SPATA1: variants seen among roughly 807,000 people sequenced by gnomAD.
SPATA1 encodes spermatogenesis-associated protein 1.
In SPATA1, 57 loss-of-function variants were observed where a neutral mutation model predicts 59.6. The observed-to-expected ratio is 0.96, with a 90% CI of 0.77 to 1.19. The LOEUF is 1.19. Among genes scored for constraint, SPATA1 ranks in the 50% most tolerant of loss-of-function variants. The pLI, the probability that SPATA1 is intolerant of heterozygous loss-of-function variation, is 0.00. For missense variants in SPATA1, 448 were observed against 480.7 expected (o/e 0.93, Z 0.64); for synonymous variants, 147 against 163.9 (o/e 0.90, Z 0.79).
chr1:84,566,008 G>A, exon 5 of SPATA1: 2 of 1,520,536 alleles, frequency 1.3e-6, no homozygotes, highest in Admixed American at 2.1e-5. Context: ...TACATCAAAG[G>A]TTACCTGTGG....
intron 4 of SPATA1, chr1:84,563,378 G>GC (rs758636345): frequency 8.2e-6 from 13 of 1,580,072 alleles, no homozygotes; most frequent in Middle Eastern, 1.7e-4. Flanking sequence ...ACTACAAGGA[G>GC]CCCCCCGGAA....
chr1:84,514,302 T>C (rs973426021), intron 1 of SPATA1, among the ~76,000 whole-genome samples: 2 of 152,136 alleles, frequency 1.3e-5, no homozygotes, highest in Non-Finnish European at 2.9e-5. Flanking sequence ...TCATCAGAAA[T>C]GATAAAGGGA....
chr1:84,529,840 C>T (rs1683393535), intron 6 of SPATA1, among the ~76,000 whole-genome samples: 1 of 151,250 alleles, frequency 6.6e-6, no homozygotes. Flanking sequence ...GTGACTGCGC[C>T]CGGCTGAAGC....
intron 10 of SPATA1, among the ~76,000 whole-genome samples, chr1:84,548,523 TTAC>T (rs1240239901): frequency 6.8e-6 from 1 of 148,112 alleles, no homozygotes; most frequent in African/African-American, 2.4e-5. Flanking sequence ...TTTAGATATA[TTAC>T]TTTTATAGTA....
At chr1:84,565,990 G>A in exon 5 of SPATA1, 4 of 1,562,250 alleles carry the variant, frequency 2.6e-6, no homozygotes, top group Non-Finnish European at 3.5e-6. Flanking sequence ...GTTCTTTGGA[G>A]ACCAAGCTAC....
intron 3 of SPATA1, among the ~76,000 whole-genome samples, chr1:84,522,172 T>C (rs1240325973): frequency 6.6e-6 from 1 of 152,206 alleles, no homozygotes; most frequent in African/African-American, 2.4e-5. Flanking sequence ...CAGTGTTTAT[T>C]TGCATAATTT....
At chr1:84,507,889 C>G (rs1387554559) in intron 1 of SPATA1, among the ~76,000 whole-genome samples, 3 of 151,916 alleles carry the variant, frequency 2.0e-5, no homozygotes, top group Admixed American at 6.6e-5. Context: ...TTATTAACTG[C>G]TGCATTGGGA....
At chr1:84,560,608 A>G (rs1305197633) in intron 4 of SPATA1, among the ~76,000 whole-genome samples, 2 of 152,250 alleles carry the variant, frequency 1.3e-5, no homozygotes, top group Admixed American at 6.5e-5. Context: ...TTGGAAGAAG[A>G]TGATGCCATT....
At chr1:84,530,329 G>A (rs1683419736) in intron 6 of SPATA1, among the ~76,000 whole-genome samples, 1 of 152,094 alleles carries the variant, frequency 6.6e-6, no homozygotes, top group African/African-American at 2.4e-5. Context: ...CTTAATGGTG[G>A]GGTTAGTTCA....
At chr1:84,533,739 A>G in exon 8 of SPATA1, 2 of 1,565,776 alleles carry the variant, frequency 1.3e-6, no homozygotes, top group Non-Finnish European at 1.7e-6. Flanking sequence ...AAGATGATAC[A>G]GCTATCAGTA....
chr1:84,515,903 A>C (rs1265890478), intron 1 of SPATA1, among the ~76,000 whole-genome samples: 1 of 152,192 alleles, frequency 6.6e-6, no homozygotes, highest in African/African-American at 2.4e-5. Flanking sequence ...ATACTAACCA[A>C]GTATCATAAA....
chr1:84,555,496 T>G (rs1339300562), downstream of SPATA1, among the ~76,000 whole-genome samples: 1 of 152,264 alleles, frequency 6.6e-6, no homozygotes, highest in Non-Finnish European at 1.5e-5. Context: ...ACTTATCATA[T>G]GTTTATGGGT....
At chr1:84,510,253 C>T (rs1321329549) in intron 1 of SPATA1, among the ~76,000 whole-genome samples, 1 of 152,114 alleles carries the variant, frequency 6.6e-6, no homozygotes, top group Non-Finnish European at 1.5e-5. Flanking sequence ...TATTTGCAAA[C>T]TATCCATCTG....
chr1:84,546,490 A>G (rs1684090675), intron 10 of SPATA1, among the ~76,000 whole-genome samples: 1 of 151,852 alleles, frequency 6.6e-6, no homozygotes, highest in Admixed American at 6.6e-5. Context: ...ACTTGATGAA[A>G]ACTATGATAA....
chr1:84,554,077 G>A (rs1406661351), exon 13 of SPATA1: 2 of 152,058 alleles, frequency 1.3e-5, no homozygotes, highest in Non-Finnish European at 2.9e-5. Context: ...AGGAGTTGGA[G>A]ACCCATCTGG....
At chr1:84,516,340 C>A (rs772027602) in exon 2 of SPATA1, 1 of 1,510,644 alleles carries the variant, frequency 6.6e-7, no homozygotes. Context: ...GATAATTATC[C>A]CATTCAGACA....
intron 6 of SPATA1, among the ~76,000 whole-genome samples, chr1:84,526,432 C>T (rs1558585763): frequency 6.6e-6 from 1 of 152,022 alleles, no homozygotes; most frequent in Non-Finnish European, 1.5e-5. Context: ...CCAGAGGGAT[C>T]AGGAAAACAG....
chr1:84,549,895 A>G (rs1461133201), intron 11 of SPATA1: 1 of 151,380 alleles, frequency 6.6e-6, no homozygotes, highest in Non-Finnish European at 1.5e-5. Flanking sequence ...CATAGCTTAT[A>G]CTTTATCTTA....
At chr1:84,565,498 T>C (rs1232293163) in intron 4 of SPATA1, among the ~76,000 whole-genome samples, 1 of 152,196 alleles carries the variant, frequency 6.6e-6, no homozygotes, top group Non-Finnish European at 1.5e-5. Flanking sequence ...TAGATAAGCA[T>C]GTGATTTCAT....
Sources: gnomAD v4.1 joint callset for allele counts (sites outside exome capture counted in the v4.1 genomes callset) on GRCh38, gnomAD v4.1.1 for gene constraint, MANE v1.5 for transcripts, NCBI Gene and HGNC (gene_info 2026-07-23, HGNC 2026-07-21) for gene names.